RNF175: variants seen among roughly 807,000 people sequenced by gnomAD.
RNF175 encodes ring finger protein 175.
A neutral mutation model predicts 50.0 loss-of-function variants in RNF175; 38 were observed. That is an observed-to-expected ratio of 0.76 (90% CI 0.59 to 1.00). The LOEUF is 1.00. Among genes scored for constraint, RNF175 ranks in the 50% least tolerant of loss-of-function variants. The pLI is 0.00. For missense variants in RNF175, 388 were observed against 409.6 expected (o/e 0.95, Z 0.46); for synonymous variants, 155 against 146.1 (o/e 1.06, Z -0.44).
At chr4:153,752,484 G>T (rs1274635825) in intron 1 of RNF175, among the ~76,000 whole-genome samples, 2 of 152,188 alleles carry the variant, frequency 1.3e-5, no homozygotes, top group East Asian at 1.9e-4. Context: ...ACCCAGAAAG[G>T]TCCTGGCATT....
Position 153,715,688 on chromosome 4 carries a change from A to G in RNF175, c.631-26T>C, listed in dbSNP as rs377253382. On this transcript the variant is annotated intron_variant, in intron 6 of 8. Coordinates refer to ENST00000347063, the MANE Select transcript of RNF175 (RefSeq NM_173662.4). The stretch of plus-strand genomic sequence containing the variant: ...CTATCAGAGGAAATGGACAGAGCAC[A>G]GTCAGAAAGGAGAGCACATGCCACT... 31 of 1,607,590 alleles carry G rather than the reference A, an allele frequency of 1.9e-5. No homozygotes were observed. In the African/African-American group the frequency reaches 3.5e-4, roughly 18 times the overall value.
At chr4:153,715,305 C>T (rs1451213551) in intron 7 of RNF175, 2 of 595,746 alleles carry the variant, frequency 3.4e-6, no homozygotes, top group Non-Finnish European at 6.1e-6. Flanking sequence ...CATTAACAGT[C>T]CTCTTTAGAA....
intron 3 of RNF175, among the ~76,000 whole-genome samples, chr4:153,746,358 C>T (rs1173094256): frequency 1.3e-5 from 2 of 152,260 alleles, no homozygotes; most frequent in African/African-American, 2.4e-5. Flanking sequence ...ACCTTGAGGC[C>T]TCAGGAACAG....
In RNF175 at chr4:153,735,227, A is replaced by AT. The variant is rs3068858; in HGVS notation, c.247-6867dup. Among the ~76,000 whole-genome samples the AT allele has an allele frequency of 2.7e-3, 385 of 141,050 alleles. 3 individuals are homozygous for AT. The highest frequency in any genetic ancestry group is 0.012 in the South Asian group (53 of 4,516). The allele number at this position is 141,050 out of a possible 152,430, so 92.5% of individuals were successfully genotyped here. The stretch of plus-strand genomic sequence containing the variant: ...TATTGTATGTTCTGTGTCTGTGTCT[A>AT]TTTTTTTTTTTTTGGCATGTGAAAA... On this transcript the variant is annotated intron_variant, in intron 3 of 8. Transcript: ENST00000347063.
intron 3 of RNF175, among the ~76,000 whole-genome samples, chr4:153,740,865 T>C (rs1308036513): frequency 6.6e-6 from 1 of 152,212 alleles, no homozygotes. Context: ...AGGTTTTGTA[T>C]TAATTTGGCT....
chr4:153,711,996 A>G (rs1388078968), intron 8 of RNF175, among the ~76,000 whole-genome samples: 1 of 152,190 alleles, frequency 6.6e-6, no homozygotes, highest in Non-Finnish European at 1.5e-5. Flanking sequence ...ACGGGGAAAT[A>G]CCTACTCATT....
chr4:153,711,151 T>C (rs1343566198), intron 8 of RNF175, among the ~76,000 whole-genome samples: 1 of 152,230 alleles, frequency 6.6e-6, no homozygotes, highest in Non-Finnish European at 1.5e-5. Context: ...TTTATGATCA[T>C]ATTATCACCA....
intron 3 of RNF175, among the ~76,000 whole-genome samples, chr4:153,734,541 T>A (rs974789731): frequency 6.6e-6 from 1 of 152,140 alleles, no homozygotes; most frequent in Non-Finnish European, 1.5e-5. Context: ...TTAATCCAGA[T>A]CTTTTGCCAT....
At chr4:153,716,296 A>C (rs1029769657) in intron 6 of RNF175, among the ~76,000 whole-genome samples, 3 of 152,168 alleles carry the variant, frequency 2.0e-5, no homozygotes, top group African/African-American at 7.2e-5. Flanking sequence ...GTTAAGAGGA[A>C]GCTTCAGAGG....
At chr4:153,711,155 A>G (rs1428479755) in intron 8 of RNF175, among the ~76,000 whole-genome samples, 2 of 152,236 alleles carry the variant, frequency 1.3e-5, no homozygotes, top group African/African-American at 4.8e-5. Context: ...TGATCATATT[A>G]TCACCAATTT....
At chr4:153,757,820 C>A (rs1366530517) in intron 1 of RNF175, among the ~76,000 whole-genome samples, 1 of 151,968 alleles carries the variant, frequency 6.6e-6, no homozygotes, top group Non-Finnish European at 1.5e-5. Context: ...TCAAAAGACC[C>A]CAGGGGTTGT....
At chr4:153,732,712 C>T (rs2606328) in intron 3 of RNF175, among the ~76,000 whole-genome samples, 26,975 of 152,066 alleles carry the variant, frequency 0.18, 3,104 homozygotes, top group Non-Finnish European at 0.25. Flanking sequence ...GCTGCAGATA[C>T]GGAAAGTAAC....
At chr4:153,716,063 CAAAAAAAAAAAA>C (rs35531787) in intron 6 of RNF175, among the ~76,000 whole-genome samples, 16 of 94,204 alleles carry the variant, frequency 1.7e-4, no homozygotes, top group South Asian at 7.4e-4. Flanking sequence ...GACTCTGTCT[CAAAAAAAAAAAA>C]AAAAAAAAAA....
At chr4:153,715,816 C>T (rs1737881209) in intron 6 of RNF175, among the ~76,000 whole-genome samples, 154 bp from the exon 7 acceptor site, 1 of 152,124 alleles carries the variant, frequency 6.6e-6, no homozygotes, top group African/African-American at 2.4e-5. Flanking sequence ...GTAATCCCAG[C>T]ACTTTGGGAG....
chr4:153,718,218 G>GTTTTTTTTTTTTTTTTTTT (rs1560770428), intron 6 of RNF175, among the ~76,000 whole-genome samples: 1 of 28,688 alleles, frequency 3.5e-5, no homozygotes, highest in Non-Finnish European at 1.6e-4. Context: ...AGTTTTTTTT[G>GTTTTTTTTTTTTTTTTTTT]TTTGTTTGTT....
chr4:153,753,779 C>A (rs1740417780), intron 1 of RNF175, among the ~76,000 whole-genome samples: 1 of 151,510 alleles, frequency 6.6e-6, no homozygotes, highest in South Asian at 2.1e-4. Context: ...GGCTGGTCTC[C>A]AACTCCTGAC....
chr4:153,740,122 A>G (rs62325082), intron 3 of RNF175, among the ~76,000 whole-genome samples: 26,676 of 151,066 alleles, frequency 0.18, 3,074 homozygotes, highest in Non-Finnish European at 0.25. Flanking sequence ...GCTTTGTCCA[A>G]TCTATTGATG....
intron 2 of RNF175, among the ~76,000 whole-genome samples, chr4:153,749,829 TGTACTTCA>T (rs1310514564): frequency 6.6e-6 from 1 of 152,200 alleles, no homozygotes; most frequent in African/African-American, 2.4e-5. Flanking sequence ...CCTAATCCCC[TGTACTTCA>T]ACATGCCAAC....
intron 6 of RNF175, among the ~76,000 whole-genome samples, chr4:153,719,618 G>T (rs1738199921): frequency 1.3e-5 from 2 of 152,072 alleles, no homozygotes; most frequent in Admixed American, 1.3e-4. Flanking sequence ...AAAAAGAAAA[G>T]AAAAACAACT....
Sources: gnomAD v4.1 joint callset for allele counts (sites outside exome capture counted in the v4.1 genomes callset) on GRCh38, gnomAD v4.1.1 for gene constraint, MANE v1.5 for transcripts, NCBI Gene and HGNC (gene_info 2026-07-23, HGNC 2026-07-21) for gene names.